Variants in SYT9 observed in about 807,000 individuals in gnomAD.
The protein encoded by SYT9 is synaptotagmin 9.
Under a neutral mutation model 48.4 loss-of-function variants are expected in SYT9, and 22 were observed. The observed-to-expected ratio is 0.45, with a 90% CI of 0.32 to 0.65. The LOEUF is 0.65. SYT9 is among the 30% of genes least tolerant of loss of function. The pLI, the probability that SYT9 is intolerant of heterozygous loss-of-function variation, is 0.03. For missense variants in SYT9, 577 were observed against 622.0 expected, an observed-to-expected ratio of 0.93 and a Z score of 0.77; for synonymous variants, 265 against 245.0, an observed-to-expected ratio of 1.08 and a Z score of -0.76.
intron 3 of SYT9, among the ~76,000 whole-genome samples, chr11:7,368,076 C>T (rs1850285925): frequency 6.6e-6 from 1 of 152,180 alleles, no homozygotes; most frequent in South Asian, 2.1e-4. Context: ...AGTCTGACTC[C>T]AGAGGCCACA....
chr11:7,417,313 T>C (rs12365512), intron 4 of SYT9, among the ~76,000 whole-genome samples: 17,785 of 152,002 alleles, frequency 0.12, 1,094 homozygotes, highest in Middle Eastern at 0.19. Context: ...AAGAGTGAGA[T>C]AGCTGTTAGG....
intron 3 of SYT9, among the ~76,000 whole-genome samples, chr11:7,403,123 A>C (rs1308294659): frequency 1.3e-5 from 2 of 152,210 alleles, no homozygotes; most frequent in Non-Finnish European, 2.9e-5. Flanking sequence ...CTTGTCAAAT[A>C]GATATTTAGT....
chr11:7,322,982 T>C (rs562052007), intron 3 of SYT9, among the ~76,000 whole-genome samples: 1 of 152,328 alleles, frequency 6.6e-6, no homozygotes, highest in Admixed American at 6.5e-5. Flanking sequence ...ATATTATGTG[T>C]ATTAAAATAA....
chr11:7,251,288 A>G (rs1171698105), upstream of SYT9, among the ~76,000 whole-genome samples: 4 of 98,476 alleles, frequency 4.1e-5, no homozygotes, highest in Admixed American at 1.2e-4. Context: ...TGGATTTCCA[A>G]ACGGTTGCTT....
chr11:7,286,185 C>T (rs1848592074), intron 1 of SYT9, among the ~76,000 whole-genome samples: 1 of 152,230 alleles, frequency 6.6e-6, no homozygotes, highest in African/African-American at 2.4e-5. Context: ...GAGGGCTCCA[C>T]CCCTGAAGCA....
intron 3 of SYT9, among the ~76,000 whole-genome samples, chr11:7,372,290 G>C (rs1850376472): frequency 6.6e-6 from 1 of 151,796 alleles, no homozygotes. Context: ...GGGTTTTTTT[G>C]CTCATTTCTT....
chr11:7,465,612 CT>C (rs1193867847), intron 6 of SYT9: 1 of 152,348 alleles, frequency 6.6e-6, no homozygotes, highest in Non-Finnish European at 1.5e-5. Flanking sequence ...AAGAGAGCCC[CT>C]CCTTCACATC....
At chr11:7,456,421 C>T (rs1173137545) in intron 6 of SYT9, among the ~76,000 whole-genome samples, 2 of 152,226 alleles carry the variant, frequency 1.3e-5, no homozygotes, top group East Asian at 1.9e-4. Context: ...AGGCAAGCTG[C>T]CTGCACATGC....
intron 1 of SYT9, among the ~76,000 whole-genome samples, chr11:7,299,397 G>T (rs1182843974): frequency 5.3e-5 from 8 of 152,166 alleles, no homozygotes; most frequent in Non-Finnish European, 1.5e-5. Context: ...AATTATGCTT[G>T]GTGTCTGGTG....
chr11:7,372,570 T>C (rs977056099), intron 3 of SYT9, among the ~76,000 whole-genome samples: 1 of 152,172 alleles, frequency 6.6e-6, no homozygotes, highest in African/African-American at 2.4e-5. Context: ...AATCTCTCTA[T>C]GTTGCCCAGA....
chr11:7,335,016 G>T (rs1227811775), intron 3 of SYT9, among the ~76,000 whole-genome samples: 1 of 152,118 alleles, frequency 6.6e-6, no homozygotes, highest in Admixed American at 6.5e-5. Context: ...GGATTAGATG[G>T]TAGGTGTATG....
At chr11:7,313,359 G>T in intron 2 of SYT9, 36 bp from the exon 3 acceptor site, 1 of 1,564,060 alleles carries the variant, frequency 6.4e-7, no homozygotes, top group South Asian at 1.3e-5. Context: ...TAGCTAATAA[G>T]GTTATAACTT....
At chr11:7,446,151 G>A (rs1281791894) in intron 6 of SYT9, among the ~76,000 whole-genome samples, 2 of 152,188 alleles carry the variant, frequency 1.3e-5, no homozygotes, top group African/African-American at 2.4e-5. Context: ...GCCTATCACC[G>A]AGCCAAGGGC....
At position 7,313,529 on chromosome 11, in the gene SYT9, A is replaced by T. The variant is rs1849181146; in HGVS notation, c.632A>T (p.Asp211Val). The change falls in exon 3 of 7, where the codon GAT (aspartate) becomes GTT (valine). Residue 211 changes from aspartate (D) to valine (V), a missense_variant. Physicochemically the swap from Asp to Val is radical, Grantham distance 152. Coordinates refer to ENST00000318881, the MANE Select transcript of SYT9 (RefSeq NM_175733.4). ...TATAAGCAGAGGTCATTGGATAATG[A>T]TGACGGGAGACGGAGTAACAGCAAG... ...ELYKQRSLDN[D>V]DGRRSNSKAC... is the part of the protein sequence containing the mutation. 1 of 1,614,070 alleles carries T rather than the reference A, an allele frequency of 6.2e-7. No homozygotes were observed. The highest frequency in any genetic ancestry group is 1.3e-5 in the African/African-American group (1 of 74,938).
chr11:7,421,991 A>G (rs778672000), intron 6 of SYT9, among the ~76,000 whole-genome samples: 25 of 152,324 alleles, frequency 1.6e-4, no homozygotes, highest in Non-Finnish European at 3.1e-4. Flanking sequence ...CTGGAAAGCC[A>G]GGAGGGCAGC....
At chr11:7,300,380 G>C (rs1261599091) in intron 1 of SYT9, among the ~76,000 whole-genome samples, 1 of 152,198 alleles carries the variant, frequency 6.6e-6, no homozygotes, top group Non-Finnish European at 1.5e-5. Context: ...TTGCTTCAAG[G>C]TGGCATGGGC....
chr11:7,437,050 G>A (rs1367042702), intron 6 of SYT9, among the ~76,000 whole-genome samples: 2 of 152,212 alleles, frequency 1.3e-5, no homozygotes, highest in Non-Finnish European at 2.9e-5. Flanking sequence ...ACAAGTGTTT[G>A]TTTCCTTTCT....
At chr11:7,440,261 CT>C (rs1847804227) in intron 6 of SYT9, 2 of 152,146 alleles carry the variant, frequency 1.3e-5, no homozygotes, top group South Asian at 2.1e-4. Context: ...TGGAACCCCC[CT>C]GAGTAGAAAA....
At chr11:7,294,297 C>G (rs940518508) in intron 1 of SYT9, among the ~76,000 whole-genome samples, 1 of 152,198 alleles carries the variant, frequency 6.6e-6, no homozygotes, top group African/African-American at 2.4e-5. Flanking sequence ...CACCCAAAAT[C>G]TATGTCCTTC....
Sources: gnomAD v4.1 joint callset for allele counts (sites outside exome capture counted in the v4.1 genomes callset) on GRCh38, gnomAD v4.1.1 for gene constraint, MANE v1.5 for transcripts, NCBI Gene and HGNC (gene_info 2026-07-23, HGNC 2026-07-21) for gene names.